FAM89A: variants seen among roughly 807,000 people sequenced by gnomAD.
The protein encoded by FAM89A is family with sequence similarity 89 member A, also known as protein FAM89A.
In FAM89A, 10 loss-of-function variants were observed where a neutral mutation model predicts 7.1. The ratio of observed to expected loss-of-function variants is 1.40; its 90% CI spans 0.86 to 2.38. The LOEUF is 2.38. Ranked by LOEUF, FAM89A falls within the 30% of genes most tolerant of loss-of-function variation. The pLI, the probability that FAM89A is intolerant of heterozygous loss-of-function variation, is 0.00. For missense variants in FAM89A, 276 were observed against 262.8 expected (o/e 1.05, Z -0.35); for synonymous variants, 157 against 129.3 (o/e 1.21, Z -1.45).
At chr1:231,027,324 G>A (rs1001778474) in intron 1 of FAM89A, among the ~76,000 whole-genome samples, 5 of 152,154 alleles carry the variant, frequency 3.3e-5, no homozygotes, top group African/African-American at 1.2e-4. Flanking sequence ...CTTGTCGTCA[G>A]GTGGAACACT....
chr1:231,037,220 G>C (rs931834914), intron 1 of FAM89A, among the ~76,000 whole-genome samples: 5 of 152,140 alleles, frequency 3.3e-5, no homozygotes, highest in Admixed American at 2.6e-4. Context: ...AACAGACTTT[G>C]AGTATCTATC....
intron 1 of FAM89A, chr1:231,022,316 C>G (rs375727771): frequency 3.1e-6 from 2 of 639,174 alleles, no homozygotes; most frequent in East Asian, 2.7e-5. Flanking sequence ...TTGTTTCCAA[C>G]CCCTTCCTTT....
chr1:231,033,779 A>G (rs2103075993), intron 1 of FAM89A, among the ~76,000 whole-genome samples: 1 of 152,320 alleles, frequency 6.6e-6, no homozygotes, highest in Non-Finnish European at 1.5e-5. Flanking sequence ...TAATAGAGCA[A>G]AGTTTAAAGT....
At chr1:231,038,053 C>T (rs1558258041) in intron 1 of FAM89A, among the ~76,000 whole-genome samples, 2 of 152,150 alleles carry the variant, frequency 1.3e-5, no homozygotes, top group Admixed American at 1.3e-4. Context: ...TTGAGTTGTC[C>T]ACTCAGACCC....
chr1:231,031,354 T>G (rs1215609986), intron 1 of FAM89A, among the ~76,000 whole-genome samples: 4 of 152,284 alleles, frequency 2.6e-5, no homozygotes. Context: ...TTTAGTTGAC[T>G]GCTGTTTAGT....
At chr1:231,034,365 A>G (rs757522862) in intron 1 of FAM89A, among the ~76,000 whole-genome samples, 1 of 152,258 alleles carries the variant, frequency 6.6e-6, no homozygotes, top group Non-Finnish European at 1.5e-5. Flanking sequence ...AAGAGATTTT[A>G]GCCCAAAAGA....
At chr1:231,022,586 C>G (rs544831050) in intron 1 of FAM89A, among the ~76,000 whole-genome samples, 15 of 152,268 alleles carry the variant, frequency 9.9e-5, no homozygotes, top group African/African-American at 2.9e-4. Context: ...ATTGACCAAG[C>G]CAGACCCGGT....
chr1:231,032,361 G>GCCCCA (rs1286896587), intron 1 of FAM89A, among the ~76,000 whole-genome samples: 1 of 137,404 alleles, frequency 7.3e-6, no homozygotes, highest in Admixed American at 7.4e-5. Flanking sequence ...ACTTTACACC[G>GCCCCA]CCCCACCCCA....
intron 1 of FAM89A, among the ~76,000 whole-genome samples, chr1:231,039,588 G>A (rs1015403279): frequency 1.3e-5 from 2 of 152,336 alleles, no homozygotes; most frequent in African/African-American, 4.8e-5. Flanking sequence ...TCGGGGAGAG[G>A]TGACAAGGCC....
At chr1:231,021,454 AC>A in intron 1 of FAM89A, among the ~76,000 whole-genome samples, 1 of 152,350 alleles carries the variant, frequency 6.6e-6, no homozygotes, top group South Asian at 2.1e-4. Context: ...TAGCTCCAGG[AC>A]TTTAAAATAC....
rs1472051483 is a variant in FAM89A at position 231,022,100 on chromosome 1, C to T, written c.292-1974G>A. The T allele has an allele frequency of 2.0e-5, 28 of 1,381,104 alleles. No individual in the cohort carries two copies. The East Asian group carries it at 3.0e-4, about 15-fold the overall frequency. 85.6% of individuals were successfully genotyped at this position (1,381,104 alleles called of 1,614,324 possible). A position where few individuals can be genotyped will look rare whatever the true frequency, so the allele number is the denominator to read the frequency against. On this transcript the variant is annotated intron_variant, in intron 1 of 1. Transcript: ENST00000366654. ...CCATGTCTTCTGTAGCCAGTGCCTC[C>T]GTGATTCCCTGAAGAACGCTAATAC...
At position 231,020,073 on chromosome 1, in the gene FAM89A, G is replaced by A. The variant is rs145512042; in HGVS notation, c.345C>T (p.Tyr115=). The change falls in exon 2 of 2, where the codon TAC becomes TAT. Residue 115 remains tyrosine (Y), a synonymous_variant. Transcript: ENST00000366654. ...CCCCCTTGTACTCCTGAATCGACTC[G>A]TAGAGGCTGTACAGTTGGCAGAGCA... ...MSLLCQLYSL[Y]ESIQEYKGAC... The A allele has an allele frequency of 1.1e-4, 178 of 1,613,920 alleles. No individual in the cohort carries two copies. Among genetic ancestry groups the A allele is most frequent in the Admixed American group, 5.0e-4 (30 of 59,992 alleles).
chr1:231,026,685 C>T (rs948715737), intron 1 of FAM89A: 1 of 152,228 alleles, frequency 6.6e-6, no homozygotes, highest in African/African-American at 2.4e-5. Context: ...TATGACCTCT[C>T]GTCCACTAAC....
chr1:231,029,153 A>C (rs55909099), intron 1 of FAM89A, among the ~76,000 whole-genome samples: 7,856 of 152,282 alleles, frequency 0.052, 405 homozygotes, highest in African/African-American at 0.13. Context: ...GTTGATTTAA[A>C]CCAAAACATC....
chr1:231,022,074 G>A, intron 1 of FAM89A: 1 of 1,411,316 alleles, frequency 7.1e-7, no homozygotes, highest in Non-Finnish European at 1.0e-6. Flanking sequence ...ACAGAATGTG[G>A]CCATGTCTTC....
chr1:231,021,838 A>G (rs181875400), intron 1 of FAM89A: 2 of 1,599,184 alleles, frequency 1.3e-6, no homozygotes, highest in Non-Finnish European at 1.7e-6. Flanking sequence ...GAAGAAGACC[A>G]AGGAGGAATG....
intron 1 of FAM89A, among the ~76,000 whole-genome samples, chr1:231,023,388 T>G (rs1444768876): frequency 6.6e-6 from 1 of 152,216 alleles, no homozygotes. Context: ...AAGCTGCCCC[T>G]GACAGCACAG....
chr1:231,035,318 T>G (rs1215359270), intron 1 of FAM89A, among the ~76,000 whole-genome samples: 3 of 152,186 alleles, frequency 2.0e-5, no homozygotes, highest in Non-Finnish European at 2.9e-5. Context: ...AATTCAAAAG[T>G]TCTGTGTGGA....
intron 1 of FAM89A, among the ~76,000 whole-genome samples, chr1:231,025,291 C>T (rs1207066229): frequency 1.3e-5 from 2 of 152,126 alleles, no homozygotes; most frequent in African/African-American, 2.4e-5. Flanking sequence ...AGGTCGGGAG[C>T]GTGGTCTCCA....
Sources: allele counts gnomAD v4.1 joint callset (sites outside exome capture counted in the v4.1 genomes callset), GRCh38; gene constraint gnomAD v4.1.1; transcripts MANE v1.5; gene names NCBI Gene and HGNC (gene_info 2026-07-23, HGNC 2026-07-21).